The following ANGPT2 variants were observed in gnomAD, a reference collection of about 807,000 sequenced individuals.
ANGPT2 encodes the protein angiopoietin-2.
In ANGPT2, 28 loss-of-function variants were observed where a neutral mutation model predicts 62.9. The ratio of observed to expected loss-of-function variants is 0.44; its 90% CI spans 0.33 to 0.61. The LOEUF is 0.61. ANGPT2 is among the 20% of genes least tolerant of loss of function. ANGPT2 has a pLI of 0.03. For missense variants in ANGPT2, 727 were observed against 594.9 expected (o/e 1.22, Z -2.31); for synonymous variants, 284 against 207.8 (o/e 1.37, Z -3.15).
At chr8:6,525,053 C>T (rs562189052) in intron 3 of ANGPT2, among the ~76,000 whole-genome samples, 4 of 152,338 alleles carry the variant, frequency 2.6e-5, no homozygotes, top group African/African-American at 7.2e-5. Context: ...TCTCGGGCCC[C>T]TTTTAGTTCG....
chr8:6,553,327 A>G (rs1395110607), intron 1 of ANGPT2, among the ~76,000 whole-genome samples: 2 of 152,172 alleles, frequency 1.3e-5, no homozygotes, highest in Non-Finnish European at 2.9e-5. Context: ...AAGCAACAAC[A>G]ACAAAATGTT....
intron 8 of ANGPT2, among the ~76,000 whole-genome samples, chr8:6,505,299 A>ATTCT (rs1813200268): frequency 1.1e-5 from 1 of 91,796 alleles, no homozygotes; most frequent in Non-Finnish European, 1.9e-5. Flanking sequence ...ATATACATAT[A>ATTCT]TATGTATATA....
At chr8:6,504,922 A>G (rs1416868176) in intron 8 of ANGPT2, among the ~76,000 whole-genome samples, 3 of 151,958 alleles carry the variant, frequency 2.0e-5, no homozygotes, top group South Asian at 4.2e-4. Context: ...GACTGCTGTA[A>G]CCTTGATTTT....
At chr8:6,527,828 T>G in intron 2 of ANGPT2, 152 bp from the exon 3 acceptor site, 1 of 744,248 alleles carries the variant, frequency 1.3e-6, no homozygotes, top group Non-Finnish European at 2.1e-6. Context: ...TTTTTCATTT[T>G]CAGAAAAGGC....
rs991148320 is a variant in ANGPT2 at position 6,500,054 on chromosome 8, A to G, written c.*3047T>C. ...CAATTATGCCCATAATTAAAAAGAC[A>G]TTCACAGAACTTAACACCTTTTATC... On this transcript the variant is annotated 3_prime_UTR_variant, in exon 9 of 9. Transcript: ENST00000629816. 4.6e-5 allele frequency: 37 copies of G among 804,596 alleles called. No homozygotes were observed. Among genetic ancestry groups the G allele is most frequent in the Non-Finnish European group, 2.1e-6 (1 of 465,750 alleles). 49.8% of individuals were successfully genotyped at this position (804,596 alleles called of 1,614,324 possible). A position where few individuals can be genotyped will look rare whatever the true frequency, so the allele number is the denominator to read the frequency against.
chr8:6,562,980 A>G lies in ANGPT2; in HGVS notation c.-46T>C. The G allele has an allele frequency of 1.3e-6, 2 of 1,543,098 alleles. No homozygotes were observed. Among genetic ancestry groups the G allele is most frequent in the African/African-American group, 2.7e-5 (2 of 73,734 alleles). ...AGCAGCTTAGCAAACTTGAGGGCAAACACACGTCCAGAGTCCCGAGCTGCT... is the reference window on the plus strand; with the variant it reads ...AGCAGCTTAGCAAACTTGAGGGCAAGCACACGTCCAGAGTCCCGAGCTGCT... On this transcript the variant is annotated 5_prime_UTR_variant, in exon 1 of 9. Coordinates refer to ENST00000629816, the MANE Select transcript of ANGPT2 (RefSeq NM_001118887.2).
chr8:6,526,076 C>A (rs1388754460), intron 3 of ANGPT2, among the ~76,000 whole-genome samples: 1 of 151,896 alleles, frequency 6.6e-6, no homozygotes, highest in Non-Finnish European at 1.5e-5. Flanking sequence ...CCCATGTGTT[C>A]CAGGAATCAC....
intron 1 of ANGPT2, among the ~76,000 whole-genome samples, chr8:6,554,544 A>G (rs1180898294): frequency 6.6e-6 from 1 of 152,246 alleles, no homozygotes; most frequent in African/African-American, 2.4e-5. Context: ...ATATTTTTAC[A>G]TGACAGGTAA....
chr8:6,543,071 G>A (rs989976091), intron 1 of ANGPT2, among the ~76,000 whole-genome samples: 1 of 152,100 alleles, frequency 6.6e-6, no homozygotes, highest in Non-Finnish European at 1.5e-5. Flanking sequence ...GCCCTGCCGG[G>A]TCCCACTGCC....
At chr8:6,543,869 T>C (rs1822058796) in intron 1 of ANGPT2, among the ~76,000 whole-genome samples, 1 of 152,222 alleles carries the variant, frequency 6.6e-6, no homozygotes. Context: ...TACATCTGCC[T>C]GGGCTTTGCA....
At chr8:6,558,112 A>C (rs1465100428) in intron 1 of ANGPT2, among the ~76,000 whole-genome samples, 1 of 152,062 alleles carries the variant, frequency 6.6e-6, no homozygotes, top group South Asian at 2.1e-4. Context: ...ACCTCTCGTC[A>C]TGTCATTTTT....
At chr8:6,511,688 T>C (rs919411267) in intron 7 of ANGPT2, among the ~76,000 whole-genome samples, 1 of 152,220 alleles carries the variant, frequency 6.6e-6, no homozygotes, top group Non-Finnish European at 1.5e-5. Flanking sequence ...CGATGTAATA[T>C]CTATTTTATC....
chr8:6,512,384 G>C (rs1254464911), intron 7 of ANGPT2, among the ~76,000 whole-genome samples: 1 of 152,154 alleles, frequency 6.6e-6, no homozygotes, highest in Non-Finnish European at 1.5e-5. Flanking sequence ...CGGAGTGTCT[G>C]ACTTGGGCAT....
intron 1 of ANGPT2, among the ~76,000 whole-genome samples, chr8:6,546,664 A>C (rs1285694862): frequency 2.0e-5 from 3 of 152,170 alleles, no homozygotes; most frequent in Non-Finnish European, 2.9e-5. Context: ...CCTAGAGATA[A>C]ATAGAGAAAA....
chr8:6,555,465 CTTT>C (rs530250678), intron 1 of ANGPT2, among the ~76,000 whole-genome samples: 5 of 142,618 alleles, frequency 3.5e-5, no homozygotes, highest in Admixed American at 2.1e-4. Flanking sequence ...GTGGTTTGCC[CTTT>C]TTTTTTTTTT....
At chr8:6,532,700 G>T (rs1012254051) in intron 1 of ANGPT2, among the ~76,000 whole-genome samples, 2 of 151,624 alleles carry the variant, frequency 1.3e-5, no homozygotes, top group African/African-American at 4.9e-5. Flanking sequence ...TGGCAACTTA[G>T]TCACATCATG....
chr8:6,514,000 A>G (rs1336469647), intron 6 of ANGPT2, among the ~76,000 whole-genome samples, 156 bp from the exon 7 acceptor site: 1 of 152,148 alleles, frequency 6.6e-6, no homozygotes, highest in Non-Finnish European at 1.5e-5. Context: ...AGGAAAATGG[A>G]TTTTAAATAG....
At chr8:6,553,371 G>A (rs1416520950) in intron 1 of ANGPT2, among the ~76,000 whole-genome samples, 1 of 152,190 alleles carries the variant, frequency 6.6e-6, no homozygotes, top group Non-Finnish European at 1.5e-5. Flanking sequence ...AGTAAACCTA[G>A]CCAGCCCTCA....
At chr8:6,540,107 C>G (rs1456141275) in intron 1 of ANGPT2, among the ~76,000 whole-genome samples, 5 of 152,140 alleles carry the variant, frequency 3.3e-5, no homozygotes, top group Non-Finnish European at 1.5e-5. Flanking sequence ...TTTGAGTGTA[C>G]CAGAATGTCT....
Sources: allele counts gnomAD v4.1 joint callset (sites outside exome capture counted in the v4.1 genomes callset), GRCh38; gene constraint gnomAD v4.1.1; transcripts MANE v1.5; gene names NCBI Gene and HGNC (gene_info 2026-07-23, HGNC 2026-07-21).